ENTPD7: variants seen among roughly 807,000 people sequenced by gnomAD.
ENTPD7 encodes ectonucleoside triphosphate diphosphohydrolase 7, also known as NTPDase 7.
ENTPD7 carries 53 observed loss-of-function variants against 77.9 expected under a neutral mutation model. That is an observed-to-expected ratio of 0.68 (90% CI 0.55 to 0.85). The LOEUF (loss-of-function observed/expected upper bound fraction) is 0.85. ENTPD7 is among the 40% of genes least tolerant of loss of function. The pLI is 0.00. For missense variants in ENTPD7, 636 were observed against 743.7 expected, an observed-to-expected ratio of 0.86 and a Z score of 1.68; for synonymous variants, 248 against 274.9, an observed-to-expected ratio of 0.90 and a Z score of 0.97.
chr10:99,666,730 A>G (rs1481233208), intron 3 of ENTPD7, among the ~76,000 whole-genome samples: 1 of 152,260 alleles, frequency 6.6e-6, no homozygotes, highest in Non-Finnish European at 1.5e-5. Context: ...CAGAACATTT[A>G]CATTAGCCTA....
Position 99,709,894 on chromosome 10 carries a change from C to T in ENTPD7, c.*5211C>T. On this transcript the variant is annotated 3_prime_UTR_variant, in exon 13 of 13. Transcript: ENST00000370489. The stretch of plus-strand genomic sequence containing the variant: ...TTGACCATTTTGTTTCTCTGAAAAT[C>T]TGAGCAATACGGAGATCCTTTTATT... 1 of 985,440 alleles carries T rather than the reference C, an allele frequency of 1.0e-6. No individual in the cohort carries two copies. The highest frequency in any genetic ancestry group is 1.2e-6 in the Non-Finnish European group (1 of 829,910). 61.0% of individuals were successfully genotyped at this position (985,440 alleles called of 1,614,324 possible).
At chr10:99,673,729 T>C (rs1207020432) in intron 3 of ENTPD7, among the ~76,000 whole-genome samples, 3 of 152,348 alleles carry the variant, frequency 2.0e-5, no homozygotes, top group East Asian at 3.9e-4. Flanking sequence ...AGATACTTTA[T>C]TTGGAAAGCA....
chr10:99,710,581 C>T lies in ENTPD7; in HGVS notation c.*5898C>T. 2 of 985,356 alleles carry T rather than the reference C, an allele frequency of 2.0e-6. No homozygotes were observed. Among genetic ancestry groups the T allele is most frequent in the Non-Finnish European group, 2.4e-6 (2 of 829,914 alleles). The allele number at this position is 985,356 out of a possible 1,614,324, so 61.0% of individuals were successfully genotyped here. ...AATTCTTAAAATTCTCACTGACAAA[C>T]ATTTTAGGTCAGTGTTGAGGAAAAT... On this transcript the variant is annotated 3_prime_UTR_variant, in exon 13 of 13. Coordinates refer to ENST00000370489, the MANE Select transcript of ENTPD7 (RefSeq NM_020354.5).
Position 99,709,604 on chromosome 10 carries a change from T to G in ENTPD7, c.*4921T>G. ...ATACCTCAAATTGAAAACTTTTAGG[T>G]TGTGTTCTTGGCTCATTCTCTCATA... On this transcript the variant is annotated 3_prime_UTR_variant, in exon 13 of 13. Coordinates refer to ENST00000370489, the MANE Select transcript of ENTPD7 (RefSeq NM_020354.5). 1 of 985,362 alleles carries G rather than the reference T, an allele frequency of 1.0e-6. No individual in the cohort carries two copies. Among genetic ancestry groups the G allele is most frequent in the Non-Finnish European group, 1.2e-6 (1 of 829,894 alleles). 61.0% of individuals were successfully genotyped at this position (985,362 alleles called of 1,614,324 possible).
intron 8 of ENTPD7, 148 bp downstream of exon 8, chr10:99,691,666 T>G (rs1417106486): frequency 1.3e-6 from 1 of 763,980 alleles, no homozygotes; most frequent in African/African-American, 1.8e-5. Flanking sequence ...AGGTTACCTC[T>G]CTGAGCCTCA....
rs2035804144 is a variant in ENTPD7, at chr10:99,685,819, A to G, written c.576A>G (p.Leu192=). 6.2e-7 allele frequency: 1 copy of G among 1,613,780 alleles called. No homozygotes were observed. The highest frequency in any genetic ancestry group is 1.3e-5 in the African/African-American group (1 of 74,868). The change falls in exon 6 of 13, where the codon CTA becomes CTG. Residue 192 remains leucine (L), a synonymous_variant. Transcript: ENST00000370489. Reference sequence around the variant, plus strand: ...AGCAGTTGGCTATCTTGGCTGACCTAGTGAAAGATTTACCACTGGAGTTTG... The same window carrying G: ...AGCAGTTGGCTATCTTGGCTGACCTGGTGAAAGATTTACCACTGGAGTTTG... The part of the protein sequence containing the change: ...ERKQLAILAD[L]VKDLPLEFDF...
intron 2 of ENTPD7, chr10:99,660,196 T>A: frequency 1.5e-6 from 1 of 659,014 alleles, no homozygotes; most frequent in Non-Finnish European, 1.9e-6. Context: ...TGCTCAGCTC[T>A]GTAAAGTGCA....
chr10:99,695,960 A>C lies in ENTPD7; in HGVS notation c.848A>C (p.Glu283Ala). 1 of 1,612,550 alleles carries C rather than the reference A, an allele frequency of 6.2e-7. No homozygotes were observed. Among genetic ancestry groups the C allele is most frequent in the South Asian group, 1.1e-5 (1 of 90,738 alleles). Residue 283 changes from glutamate (E) to alanine (A), a missense_variant, in exon 9 of 13, where the codon GAA becomes GCA. Around this residue, in one of 3 missense-constraint regions of ENTPD7, gnomAD observed 486 missense variants for 556.5 expected, o/e 0.87. Coordinates refer to ENST00000370489, the MANE Select transcript of ENTPD7 (RefSeq NM_020354.5). Reference sequence around the variant, plus strand: ...TCTCTTGGTATTGTATTATAGGAAGAAGCTGCCAAGATCCTGCTGGCTGAG... The same window carrying C: ...TCTCTTGGTATTGTATTATAGGAAGCAGCTGCCAAGATCCTGCTGGCTGAG... ...STSVLPAKQE[E>A]AAKILLAEFN...
intron 6 of ENTPD7, among the ~76,000 whole-genome samples, chr10:99,688,038 G>A (rs2035835773): frequency 6.6e-6 from 1 of 152,042 alleles, no homozygotes. Context: ...TGTTGCCTAA[G>A]GTTAGAGAGA....
intron 5 of ENTPD7, among the ~76,000 whole-genome samples, chr10:99,680,901 C>T (rs1226369054): frequency 1.3e-5 from 2 of 152,142 alleles, no homozygotes; most frequent in South Asian, 2.1e-4. Flanking sequence ...GTATACAATA[C>T]GTTATTGTTG....
Position 99,707,066 on chromosome 10 carries a change from T to C in ENTPD7, c.*2383T>C, listed in dbSNP as rs927460596. 1.3e-5 allele frequency among the ~76,000 whole-genome samples: 2 copies of C among 152,260 alleles called. No individual in the cohort carries two copies. The highest frequency in any genetic ancestry group is 4.8e-5 in the African/African-American group (2 of 41,472). ...ACTCTTAAGGATTTTATGTGTATTATTCAAATTGCTATTACTGTTCTTTTT... is the reference window on the plus strand; with the variant it reads ...ACTCTTAAGGATTTTATGTGTATTACTCAAATTGCTATTACTGTTCTTTTT... On this transcript the variant is annotated 3_prime_UTR_variant, in exon 13 of 13. Transcript: ENST00000370489.
rs554479024 is a variant in ENTPD7 at position 99,710,745 on chromosome 10, C to A, written c.*6062C>A. 43 of 985,366 alleles carry A rather than the reference C, an allele frequency of 4.4e-5. No homozygotes were observed. The South Asian group carries it at 1.7e-3, about 40-fold the overall frequency. 61.0% of individuals were successfully genotyped at this position (985,366 alleles called of 1,614,324 possible). ...GTAGATAAACTGGTTATCCTAAAAT[C>A]ATGATTATCAGTGTTGATCTCTGCA... On this transcript the variant is annotated 3_prime_UTR_variant, in exon 13 of 13. Coordinates refer to ENST00000370489, the MANE Select transcript of ENTPD7 (RefSeq NM_020354.5).
intron 5 of ENTPD7, among the ~76,000 whole-genome samples, chr10:99,680,560 A>G (rs1374810503): frequency 6.6e-6 from 1 of 151,918 alleles, no homozygotes; most frequent in Non-Finnish European, 1.5e-5. Flanking sequence ...TGGTAAGCAT[A>G]CAACATGAGA....
chr10:99,696,288 C>T (rs2035976749), intron 9 of ENTPD7, among the ~76,000 whole-genome samples, 166 bp downstream of exon 9: 1 of 152,190 alleles, frequency 6.6e-6, no homozygotes, highest in Admixed American at 6.5e-5. Flanking sequence ...TTAGCAGTCC[C>T]ACTCTGGGTG....
At chr10:99,678,166 T>C (rs915049030) in intron 3 of ENTPD7, among the ~76,000 whole-genome samples, 24 of 152,158 alleles carry the variant, frequency 1.6e-4, no homozygotes, top group Non-Finnish European at 4.4e-5. Flanking sequence ...TATCATTCTT[T>C]TTATGTTTAT....
Position 99,688,306 on chromosome 10 carries a change from CAG to C in ENTPD7, c.653-385_653-384del, listed in dbSNP as rs578000097. ...CGGTGTGCTCATTATCATTTACTTT[CAG>C]AGTTTCCAGAAAGCTGCTCCATGCA... On this transcript the variant is annotated intron_variant, in intron 6 of 12. Transcript: ENST00000370489. Among the ~76,000 whole-genome samples, 226 of 152,280 alleles carry C rather than the reference CAG, an allele frequency of 1.5e-3. 1 individual carries two copies. The highest frequency in any genetic ancestry group is 0.01 in the Middle Eastern group (3 of 294).
intron 9 of ENTPD7, among the ~76,000 whole-genome samples, chr10:99,696,433 A>G (rs2133494457): frequency 6.6e-6 from 1 of 152,376 alleles, no homozygotes; most frequent in South Asian, 2.1e-4. Context: ...AAAATGTACA[A>G]TATATAGTGT....
At chr10:99,675,553 TA>T (rs1554835925) in intron 3 of ENTPD7, among the ~76,000 whole-genome samples, 15 of 7,924 alleles carry the variant, frequency 1.9e-3, no homozygotes, top group African/African-American at 5.7e-3. Flanking sequence ...CATCTTTTTT[TA>T]GGGGGGTGGG....
At chr10:99,680,577 C>T (rs2035739939) in intron 5 of ENTPD7, among the ~76,000 whole-genome samples, 1 of 151,962 alleles carries the variant, frequency 6.6e-6, no homozygotes, top group African/African-American at 2.4e-5. Flanking sequence ...GAGAGCTACC[C>T]TCTAACCAGA....
Sources: allele counts gnomAD v4.1 joint callset (sites outside exome capture counted in the v4.1 genomes callset), GRCh38; gene constraint gnomAD v4.1.1; regional missense constraint gnomAD v4.1.1; transcripts MANE v1.5; gene names NCBI Gene and HGNC (gene_info 2026-07-23, HGNC 2026-07-21).